The following PCDHGA11 variants were observed in gnomAD, a reference collection of about 807,000 sequenced individuals.
The protein encoded by PCDHGA11 is protocadherin gamma-A11.
In PCDHGA11, 39 loss-of-function variants were observed where a neutral mutation model predicts 60.4. The observed-to-expected ratio is 0.65, with a 90% confidence interval of 0.50 to 0.84. The LOEUF is 0.84. PCDHGA11 is among the 40% of genes least tolerant of loss of function. PCDHGA11 has a pLI of 0.00. For synonymous variants in PCDHGA11, 533 were observed against 510.3 expected (o/e 1.04, Z -0.60); for missense variants, 1,165 against 1,197.7 (o/e 0.97, Z 0.40).
chr5:141,450,479 G>GTTTT (rs1165567597), intron 1 of PCDHGA11, among the ~76,000 whole-genome samples: 124 of 152,020 alleles, frequency 8.2e-4, no homozygotes, highest in African/African-American at 2.9e-3. Flanking sequence ...GAGTTTGTTT[G>GTTTT]TTTGTTTGTC....
intron 1 of PCDHGA11, chr5:141,478,153 T>G (rs1477175391): frequency 3.1e-6 from 5 of 1,613,934 alleles, no homozygotes; most frequent in Middle Eastern, 1.6e-4. Flanking sequence ...AGTTCCCCTC[T>G]GGCTCTGCCC....
chr5:141,458,873 C>T (rs1278498446), intron 1 of PCDHGA11, among the ~76,000 whole-genome samples: 2 of 152,148 alleles, frequency 1.3e-5, no homozygotes, highest in African/African-American at 4.8e-5. Context: ...GCTGGGACTA[C>T]AGGCATGCAC....
At chr5:141,509,650 T>C (rs1484029268) in intron 3 of PCDHGA11, among the ~76,000 whole-genome samples, 1 of 152,188 alleles carries the variant, frequency 6.6e-6, no homozygotes, top group African/African-American at 2.4e-5. Context: ...GGCCAGAGTG[T>C]GGACTTCTCT....
intron 1 of PCDHGA11, chr5:141,478,899 T>A (rs905349011): frequency 9.7e-7 from 1 of 1,027,124 alleles, no homozygotes; most frequent in African/African-American, 1.6e-5. Context: ...ACATTAGGAA[T>A]AAGCTGCTGG....
chr5:141,511,237 T>C lies in PCDHGA11; in HGVS notation c.*64T>C, dbSNP rs886816274. 1.9e-6 allele frequency: 3 copies of C among 1,590,378 alleles called. No homozygotes were observed. The South Asian group carries it at 3.4e-5, about 18-fold the overall frequency. ...CCAACCAGCCCAGCTTCTCCTTACC[T>C]GCACCCAGGCCTCAGAGTTTCAGGG... On this transcript the variant is annotated 3_prime_UTR_variant, in exon 4 of 4. Coordinates refer to ENST00000398587, the MANE Select transcript of PCDHGA11 (RefSeq NM_018914.3).
intron 1 of PCDHGA11, chr5:141,441,502 T>G (rs2098250414): frequency 5.8e-6 from 1 of 173,754 alleles, no homozygotes; most frequent in African/African-American, 2.4e-5. Context: ...CTACCAGGCC[T>G]CCTACGTCGT....
chr5:141,480,414 CA>C (rs10712552), intron 1 of PCDHGA11, among the ~76,000 whole-genome samples: 43,347 of 147,074 alleles, frequency 0.29, 6,620 homozygotes, highest in African/African-American at 0.4. Flanking sequence ...GACCCTGTCT[CA>C]AAAAAAAAAA....
At chr5:141,474,447 G>A (rs1263877262) in intron 1 of PCDHGA11, among the ~76,000 whole-genome samples, 1 of 152,218 alleles carries the variant, frequency 6.6e-6, no homozygotes, top group Non-Finnish European at 1.5e-5. Flanking sequence ...AGTAGCAAGT[G>A]ATTGGGCTAT....
intron 1 of PCDHGA11, among the ~76,000 whole-genome samples, chr5:141,472,437 G>A (rs1332528325): frequency 6.6e-6 from 1 of 152,116 alleles, no homozygotes; most frequent in Non-Finnish European, 1.5e-5. Flanking sequence ...CTACTAGGGA[G>A]GCTGAGGCAG....
chr5:141,423,603 C>G lies in PCDHGA11; in HGVS notation c.2376C>G (p.Leu792=). The change falls in exon 1 of 4, where the codon CTC becomes CTG. Residue 792 remains leucine (L), a synonymous_variant. Coordinates refer to ENST00000398587, the MANE Select transcript of PCDHGA11 (RefSeq NM_018914.3). ...AGAGCTGTGAGAAAAGCGAGCCACT[C>G]TTGATAGCTGAAGACTCAGCTATCA... The part of the protein sequence containing the change: ...SQESCEKSEP[L]LIAEDSAIIL... 6.2e-7 allele frequency: 1 copy of G among 1,612,584 alleles called. No individual in the cohort carries two copies.
At chr5:141,500,250 C>T (rs913074120) in intron 2 of PCDHGA11, among the ~76,000 whole-genome samples, 4 of 149,826 alleles carry the variant, frequency 2.7e-5, no homozygotes, top group African/African-American at 9.9e-5. Flanking sequence ...GCTCTGTCAC[C>T]CAGGCTGGAC....
At position 141,431,123 on chromosome 5, in the gene PCDHGA11, GAAGT is replaced by G. The variant is rs751548736; in HGVS notation, c.2433+7467_2433+7470del. The G allele has an allele frequency of 1.2e-6, 2 of 1,614,100 alleles. No individual in the cohort carries two copies. The highest frequency in any genetic ancestry group is 3.3e-5 in the Admixed American group (2 of 60,014). On this transcript the variant is annotated intron_variant, in intron 1 of 3. Transcript: ENST00000398587. This position sits in a 1 kb window ranked among gnomAD's most constrained non-coding sequence, Gnocchi z 4.8. ...AGTGAAAATATATGGAGTAGAAGTA[GAAGT>G]AAGGGACATTAACGACAATGCGCCT... is the stretch of plus-strand genomic sequence containing the variant.
At position 141,485,791 on chromosome 5, in the gene PCDHGA11, G is replaced by A; in HGVS notation, c.2434-9016G>A. The A allele has an allele frequency of 6.2e-7, 1 of 1,614,196 alleles. No homozygotes were observed. The highest frequency in any genetic ancestry group is 8.5e-7 in the Non-Finnish European group (1 of 1,180,032). ...AGCCTTTGGATCGAGAGAAGCAATC[G>A]GACTACCGCCTGGTGCTGACTGCTG... On this transcript the variant is annotated intron_variant, in intron 1 of 3. Transcript: ENST00000398587. The surrounding 1 kb of genome is among the most constrained non-coding windows in gnomAD (Gnocchi z 5.7).
At chr5:141,502,575 A>G (rs1314648955) in intron 2 of PCDHGA11, among the ~76,000 whole-genome samples, 2 of 152,208 alleles carry the variant, frequency 1.3e-5, no homozygotes, top group Admixed American at 1.3e-4. Context: ...CATTATAAAA[A>G]TATATTTTTA....
chr5:141,476,317 G>T lies in PCDHGA11; in HGVS notation c.2434-18490G>T, dbSNP rs759809060. ...GTAGCCTCTCAGCCCGCAGGTTCCG[G>T]GTGGTGTCTGGAGCTAGCCGAAGAT... On this transcript the variant is annotated intron_variant, in intron 1 of 3. Transcript: ENST00000398587. This position sits in a 1 kb window ranked among gnomAD's most constrained non-coding sequence, Gnocchi z 7.6. 1.9e-6 allele frequency: 3 copies of T among 1,614,170 alleles called. No individual in the cohort carries two copies. The highest frequency in any genetic ancestry group is 1.7e-5 in the Admixed American group (1 of 60,024).
intron 1 of PCDHGA11, among the ~76,000 whole-genome samples, chr5:141,474,651 C>T (rs2099352565): frequency 6.6e-6 from 1 of 152,178 alleles, no homozygotes; most frequent in South Asian, 2.1e-4. Flanking sequence ...ATCCTTACTT[C>T]TTTTCTACCT....
intron 1 of PCDHGA11, among the ~76,000 whole-genome samples, chr5:141,449,616 G>A (rs1279953840): frequency 1.6e-4 from 24 of 146,738 alleles, no homozygotes; most frequent in Non-Finnish European, 2.3e-4. Flanking sequence ...AAGTAAAAAA[G>A]TTTTTTAAAA....
intron 1 of PCDHGA11, among the ~76,000 whole-genome samples, chr5:141,473,736 G>A (rs1278322296): frequency 1.3e-5 from 2 of 152,202 alleles, no homozygotes; most frequent in Non-Finnish European, 2.9e-5. Flanking sequence ...AGAGGGAGAA[G>A]ACATGAGAAC....
intron 1 of PCDHGA11, chr5:141,430,554 A>G (rs372392559): frequency 3.2e-5 from 13 of 411,906 alleles, no homozygotes; most frequent in Admixed American, 4.0e-5. Context: ...CTGTTCACCA[A>G]TCGGGGAGAG....
Sources: allele counts gnomAD v4.1 joint callset (sites outside exome capture counted in the v4.1 genomes callset), GRCh38; gene constraint gnomAD v4.1.1; non-coding constraint Gnocchi (gnomAD v3.1); transcripts MANE v1.5; gene names NCBI Gene and HGNC (gene_info 2026-07-23, HGNC 2026-07-21).